Variants in PDE4D observed in about 807,000 individuals in gnomAD.
PDE4D encodes 3',5'-cyclic-AMP phosphodiesterase 4D.
In PDE4D, 24 loss-of-function variants were observed where a neutral mutation model predicts 87.4. The ratio of observed to expected loss-of-function variants is 0.27; its 90% CI spans 0.20 to 0.39. The LOEUF (loss-of-function observed/expected upper bound fraction) is 0.39, where lower values mean the gene tolerates loss of function less well. Ranked by LOEUF, PDE4D falls within the 10% of genes least tolerant of loss-of-function variation. The pLI is 1.00. For synonymous variants in PDE4D, 384 were observed against 383.2 expected, an observed-to-expected ratio of 1.00 and a Z score of -0.02; for missense variants, 714 against 1,041.0, an observed-to-expected ratio of 0.69 and a Z score of 4.32.
chr5:59,941,189 GGTACATCTTTGGGTAT>G lies in PDE4D; in HGVS notation c.272+47283_272+47298del, dbSNP rs1757141206. On this transcript the variant is annotated intron_variant, in intron 3 of 16. Coordinates refer to the PDE4D transcript ENST00000502484. ...AAGTCACTGAGTTTGCTATCAGGGA[GGTACATCTTTGGGTAT>G]GTCCACAGACAGCCCAGCCGGCATG... Among the ~76,000 whole-genome samples the G allele has an allele frequency of 2.0e-5, 3 of 152,192 alleles. No homozygotes were observed. The South Asian group carries it at 6.2e-4, about 32-fold the overall frequency.
At chr5:60,377,460 T>A (rs988452962) in intron 1 of PDE4D, among the ~76,000 whole-genome samples, 12 of 152,334 alleles carry the variant, frequency 7.9e-5, no homozygotes, top group African/African-American at 2.6e-4. Context: ...TTTAGAACAT[T>A]GAGAGAAAGC....
intron 1 of PDE4D, among the ~76,000 whole-genome samples, chr5:59,245,512 C>A (rs1264486876): frequency 6.6e-6 from 1 of 152,074 alleles, no homozygotes; most frequent in Admixed American, 6.6e-5. Context: ...ACAACAACAA[C>A]AAAAATGTTT....
At chr5:60,354,700 C>G (rs1371696135) in intron 1 of PDE4D, among the ~76,000 whole-genome samples, 3 of 152,086 alleles carry the variant, frequency 2.0e-5, no homozygotes, top group African/African-American at 4.8e-5. Flanking sequence ...TGGGATGTTG[C>G]CCAGTACTAG....
chr5:59,681,286 A>G (rs767508326), intron 1 of PDE4D, among the ~76,000 whole-genome samples: 3 of 152,196 alleles, frequency 2.0e-5, no homozygotes, highest in Middle Eastern at 3.2e-3. Flanking sequence ...ATAAATAATG[A>G]TATTAACCAA....
intron 1 of PDE4D, among the ~76,000 whole-genome samples, chr5:59,418,704 A>C (rs1794029907): frequency 6.6e-6 from 1 of 152,090 alleles, no homozygotes. Flanking sequence ...GGTGGAGTGC[A>C]GTGGCACGAT....
intron 5 of PDE4D, among the ~76,000 whole-genome samples, chr5:59,135,901 G>C (rs1410055464): frequency 6.6e-6 from 1 of 152,026 alleles, no homozygotes; most frequent in African/African-American, 2.4e-5. Flanking sequence ...AACATTTATT[G>C]AGAATCTATT....
chr5:60,216,016 G>A (rs1743817492), intron 1 of PDE4D, among the ~76,000 whole-genome samples: 1 of 152,066 alleles, frequency 6.6e-6, no homozygotes, highest in African/African-American at 2.4e-5. Context: ...AGGAAGGAAA[G>A]GGAATTAAAC....
intron 1 of PDE4D, among the ~76,000 whole-genome samples, chr5:59,481,391 G>T (rs566557009): frequency 6.6e-6 from 1 of 151,188 alleles, no homozygotes; most frequent in Non-Finnish European, 1.5e-5. Context: ...AAAAAAGTTC[G>T]AGTCAAGAAG....
intron 2 of PDE4D, among the ~76,000 whole-genome samples, chr5:60,126,473 C>G (rs1040322480): frequency 2.0e-5 from 3 of 152,006 alleles, no homozygotes; most frequent in South Asian, 4.1e-4. Flanking sequence ...CCTTTAGAAA[C>G]AAACAGATGG....
intron 1 of PDE4D, among the ~76,000 whole-genome samples, chr5:59,730,207 A>T (rs1044867166): frequency 6.6e-6 from 1 of 152,116 alleles, no homozygotes; most frequent in Non-Finnish European, 1.5e-5. Flanking sequence ...GGAAGAAAGA[A>T]GTCAAATCCT....
chr5:59,221,365 C>T (rs1752524399), intron 1 of PDE4D, among the ~76,000 whole-genome samples: 1 of 152,160 alleles, frequency 6.6e-6, no homozygotes, highest in Admixed American at 6.5e-5. Flanking sequence ...GGTGTGGTGG[C>T]TCATGCCTAT....
intron 3 of PDE4D, among the ~76,000 whole-genome samples, chr5:59,908,023 A>C (rs1224480603): frequency 6.6e-6 from 1 of 151,988 alleles, no homozygotes; most frequent in Non-Finnish European, 1.5e-5. Context: ...ACATAAAGGA[A>C]TATTACAGTT....
chr5:59,311,499 C>CAAAAAAAAAAAAAAAAAAAAAAAAAAAAA (rs35020719), intron 1 of PDE4D, among the ~76,000 whole-genome samples: 1 of 43,356 alleles, frequency 2.3e-5, no homozygotes, highest in African/African-American at 9.4e-5. Flanking sequence ...GACTCTGTCT[C>CAAAAAAAAAAAAAAAAAAAAAAAAAAAAA]AAAAAAAAAA....
intron 1 of PDE4D, among the ~76,000 whole-genome samples, chr5:59,426,998 TACACACACACACACACACACACACAC>T (rs3061709): frequency 1.4e-4 from 18 of 125,142 alleles, no homozygotes; most frequent in African/African-American, 3.6e-4. Context: ...CTTGAAGCTA[TACACACACACACACACACACACACAC>T]ACACACACAC....
At chr5:59,776,169 C>T (rs1012008095) in intron 1 of PDE4D, among the ~76,000 whole-genome samples, 2 of 152,110 alleles carry the variant, frequency 1.3e-5, no homozygotes, top group Non-Finnish European at 2.9e-5. Flanking sequence ...ATCTGGGATG[C>T]TTTACAAAAG....
At chr5:59,624,635 T>C (rs1400889755) in intron 1 of PDE4D, among the ~76,000 whole-genome samples, 1 of 152,262 alleles carries the variant, frequency 6.6e-6, no homozygotes, top group African/African-American at 2.4e-5. Flanking sequence ...TATCCAACTA[T>C]TGAGACATTT....
At chr5:59,872,588 A>G (rs1020529875) in intron 1 of PDE4D, among the ~76,000 whole-genome samples, 1 of 152,188 alleles carries the variant, frequency 6.6e-6, no homozygotes, top group Non-Finnish European at 1.5e-5. Flanking sequence ...TAATGGTTCA[A>G]TTGAACTTAG....
intron 1 of PDE4D, chr5:59,216,891 C>G (rs1045694614): frequency 1.0e-5 from 2 of 198,222 alleles, no homozygotes; most frequent in Non-Finnish European, 2.1e-5. Context: ...CTTTCCCACT[C>G]CCTAATGACA....
At chr5:60,325,593 T>A (rs1297913111) in intron 1 of PDE4D, among the ~76,000 whole-genome samples, 1 of 152,194 alleles carries the variant, frequency 6.6e-6, no homozygotes, top group African/African-American at 2.4e-5. Context: ...CCTGACTCTC[T>A]TGTACTTTAT....
Sources: allele counts gnomAD v4.1 joint callset (sites outside exome capture counted in the v4.1 genomes callset), GRCh38; gene constraint gnomAD v4.1.1; transcripts MANE v1.5; gene names NCBI Gene and HGNC (gene_info 2026-07-23, HGNC 2026-07-21).